Variants in SUCLG2 observed in about 807,000 individuals in gnomAD.
The protein encoded by SUCLG2 is succinate--CoA ligase [GDP-forming] subunit beta, mitochondrial.
A neutral mutation model predicts 47.9 loss-of-function variants in SUCLG2; 42 were observed. That is an observed-to-expected ratio of 0.88 (90% confidence interval 0.69 to 1.14). The LOEUF is 1.14. SUCLG2 is among the 50% of genes most tolerant of loss of function. The pLI is 0.00. For synonymous variants in SUCLG2, 195 were observed against 197.3 expected (o/e 0.99, Z 0.10); for missense variants, 571 against 525.9 (o/e 1.09, Z -0.84).
intron 6 of SUCLG2, 69 bp downstream of exon 6, chr3:67,518,178 G>A (rs1705999293): frequency 8.1e-7 from 1 of 1,238,800 alleles, no homozygotes; most frequent in South Asian, 1.3e-5. Flanking sequence ...AACACTAGAG[G>A]CAATGAAGCA....
chr3:67,585,923 T>C (rs930643420), intron 2 of SUCLG2, among the ~76,000 whole-genome samples: 43 of 134,952 alleles, frequency 3.2e-4, no homozygotes, highest in Non-Finnish European at 5.3e-4. Flanking sequence ...GCCGAGATCA[T>C]GCCACTGCAC....
chr3:67,383,491 A>G (rs1365607499), intron 10 of SUCLG2, among the ~76,000 whole-genome samples: 2 of 152,198 alleles, frequency 1.3e-5, no homozygotes, highest in African/African-American at 2.4e-5. Flanking sequence ...GCTGTATTGT[A>G]TCCACACCTA....
intron 9 of SUCLG2, among the ~76,000 whole-genome samples, chr3:67,488,277 C>T (rs1204640621): frequency 6.6e-6 from 1 of 151,930 alleles, no homozygotes; most frequent in Non-Finnish European, 1.5e-5. Flanking sequence ...CTAAGTCGAG[C>T]CAATTTCTTA....
chr3:67,613,017 T>C (rs1489814426), intron 1 of SUCLG2, among the ~76,000 whole-genome samples: 1 of 152,202 alleles, frequency 6.6e-6, no homozygotes, highest in Non-Finnish European at 1.5e-5. Flanking sequence ...CCCATGGAGC[T>C]TCCATGCCCT....
intron 10 of SUCLG2, among the ~76,000 whole-genome samples, chr3:67,385,117 G>A (rs556321546): frequency 1.3e-5 from 2 of 152,320 alleles, no homozygotes; most frequent in East Asian, 3.9e-4. Context: ...TGGAAATTGA[G>A]TCAGGAAGAA....
At chr3:67,560,712 G>A (rs747992810) in intron 2 of SUCLG2, among the ~76,000 whole-genome samples, 4 of 152,058 alleles carry the variant, frequency 2.6e-5, no homozygotes, top group Non-Finnish European at 4.4e-5. Flanking sequence ...GAGTGTGGGA[G>A]AACCTCATCT....
chr3:67,515,968 C>G (rs573847083), intron 6 of SUCLG2, among the ~76,000 whole-genome samples: 4 of 152,272 alleles, frequency 2.6e-5, no homozygotes, highest in East Asian at 3.9e-4. Context: ...CCCCCTCCCC[C>G]ACTCTCTCCT....
intron 2 of SUCLG2, among the ~76,000 whole-genome samples, chr3:67,568,924 T>G (rs1358168638): frequency 6.6e-6 from 1 of 152,118 alleles, no homozygotes; most frequent in Admixed American, 6.5e-5. Context: ...GAGTGAAAGC[T>G]CTAAGAACAA....
chr3:67,439,010 C>A (rs1703692120), intron 9 of SUCLG2, among the ~76,000 whole-genome samples: 1 of 152,180 alleles, frequency 6.6e-6, no homozygotes, highest in African/African-American at 2.4e-5. Flanking sequence ...CAAACCAAAT[C>A]CAGTAGCACA....
chr3:67,591,676 G>A (rs1443326614), intron 2 of SUCLG2, among the ~76,000 whole-genome samples: 1 of 152,136 alleles, frequency 6.6e-6, no homozygotes, highest in Non-Finnish European at 1.5e-5. Context: ...GGAACTGTAA[G>A]TCCAATTAAA....
intron 9 of SUCLG2, among the ~76,000 whole-genome samples, chr3:67,427,316 C>G (rs149244442): frequency 2.4e-3 from 359 of 152,260 alleles, no homozygotes; most frequent in African/African-American, 8.3e-3. Flanking sequence ...ACAATAGAAA[C>G]CAGGTCAGCA....
intron 2 of SUCLG2, among the ~76,000 whole-genome samples, chr3:67,591,562 T>A (rs540837992): frequency 6.6e-6 from 1 of 152,322 alleles, no homozygotes; most frequent in South Asian, 2.1e-4. Context: ...GATGGGTTTA[T>A]CAGGGGGTTC....
intron 4 of SUCLG2, among the ~76,000 whole-genome samples, chr3:67,527,485 T>C (rs1287124203): frequency 1.3e-5 from 2 of 152,138 alleles, no homozygotes; most frequent in African/African-American, 2.4e-5. Flanking sequence ...ACAAAAGGGA[T>C]GGTGAAAGGT....
chr3:67,627,639 G>T (rs1359272628), intron 1 of SUCLG2, among the ~76,000 whole-genome samples: 1 of 152,170 alleles, frequency 6.6e-6, no homozygotes, highest in Non-Finnish European at 1.5e-5. Context: ...TGCCCATATG[G>T]GGCACACTAT....
intron 9 of SUCLG2, among the ~76,000 whole-genome samples, chr3:67,491,725 T>G (rs148162649): frequency 6.6e-6 from 1 of 152,244 alleles, no homozygotes; most frequent in African/African-American, 2.4e-5. Flanking sequence ...CATCAAGCTG[T>G]ATACTTAAAA....
chr3:67,391,469 A>G (rs1260537543), intron 10 of SUCLG2, among the ~76,000 whole-genome samples: 2 of 152,112 alleles, frequency 1.3e-5, no homozygotes, highest in Non-Finnish European at 2.9e-5. Context: ...AAGAGTTTAG[A>G]GGCAGCCATA....
chr3:67,434,375 A>C (rs1311454481), intron 9 of SUCLG2, among the ~76,000 whole-genome samples: 1 of 152,126 alleles, frequency 6.6e-6, no homozygotes, highest in Non-Finnish European at 1.5e-5. Flanking sequence ...AAAATGAAAA[A>C]CATTAGTCAG....
intron 1 of SUCLG2, among the ~76,000 whole-genome samples, chr3:67,619,640 G>A (rs185650632): frequency 6.6e-5 from 10 of 152,280 alleles, no homozygotes; most frequent in African/African-American, 2.2e-4. Flanking sequence ...ATTAAGATTC[G>A]CAAAGATACT....
At chr3:67,564,582 C>T (rs1707402780) in intron 2 of SUCLG2, among the ~76,000 whole-genome samples, 1 of 152,252 alleles carries the variant, frequency 6.6e-6, no homozygotes, top group Admixed American at 6.5e-5. Context: ...AGATTCTATA[C>T]AAAACAGTTA....
Sources: gnomAD v4.1 joint callset for allele counts (sites outside exome capture counted in the v4.1 genomes callset) on GRCh38, gnomAD v4.1.1 for gene constraint, MANE v1.5 for transcripts, NCBI Gene and HGNC (gene_info 2026-07-23, HGNC 2026-07-21) for gene names.